The following UVRAG variants were observed in gnomAD, a reference collection of about 807,000 sequenced individuals.
UVRAG encodes the protein UV radiation resistance associated.
In UVRAG, 19 loss-of-function variants were observed where a neutral mutation model predicts 78.0. That is an observed-to-expected ratio of 0.24 (90% CI 0.17 to 0.36). UVRAG has a LOEUF of 0.36. UVRAG is among the 10% of genes least tolerant of loss of function. The pLI, the probability that UVRAG is intolerant of heterozygous loss-of-function variation, is 1.00. For missense variants in UVRAG, 740 were observed against 853.8 expected (o/e 0.87, Z 1.66); for synonymous variants, 323 against 324.6 (o/e 1.00, Z 0.05).
At chr11:76,035,261 TTA>T (rs1371266017) in intron 12 of UVRAG, among the ~76,000 whole-genome samples, 1 of 152,192 alleles carries the variant, frequency 6.6e-6, no homozygotes, top group Non-Finnish European at 1.5e-5. Flanking sequence ...GAATTTTGTA[TTA>T]TATTCTGGTT....
chr11:75,872,614 C>G (rs1946679741), intron 3 of UVRAG, among the ~76,000 whole-genome samples: 1 of 152,096 alleles, frequency 6.6e-6, no homozygotes, highest in African/African-American at 2.4e-5. Flanking sequence ...GTCTCAATCT[C>G]CTGACCTTGT....
chr11:76,111,454 C>T (rs1426657436), intron 13 of UVRAG, among the ~76,000 whole-genome samples: 1 of 152,084 alleles, frequency 6.6e-6, no homozygotes, highest in Non-Finnish European at 1.5e-5. Context: ...TCCCACATGC[C>T]CTAGTGGGAA....
intron 7 of UVRAG, among the ~76,000 whole-genome samples, chr11:75,971,905 G>A (rs1443652507): frequency 6.6e-6 from 1 of 152,086 alleles, no homozygotes; most frequent in Non-Finnish European, 1.5e-5. Flanking sequence ...TGGCCAGGCT[G>A]GTCTCGAACT....
intron 6 of UVRAG, among the ~76,000 whole-genome samples, chr11:75,959,313 G>A (rs1045270193): frequency 1.3e-5 from 2 of 152,208 alleles, no homozygotes; most frequent in African/African-American, 4.8e-5. Context: ...CTGTTGTTTA[G>A]TATAACCACC....
chr11:76,140,112 CCTCTCTCTCTCT>C (rs745755879), intron 14 of UVRAG, among the ~76,000 whole-genome samples: 30 of 11,288 alleles, frequency 2.7e-3, no homozygotes, highest in Non-Finnish European at 3.4e-3. Context: ...TCCCTCCCTC[CCTCTCTCTCTCT>C]CTCTCTCTCT....
chr11:75,885,342 A>T (rs912410600), intron 4 of UVRAG, among the ~76,000 whole-genome samples: 1 of 152,096 alleles, frequency 6.6e-6, no homozygotes, highest in African/African-American at 2.4e-5. Flanking sequence ...ACTTTGTATT[A>T]ATAACAACAA....
At chr11:75,946,518 G>A (rs1948590916) in intron 6 of UVRAG, among the ~76,000 whole-genome samples, 1 of 152,148 alleles carries the variant, frequency 6.6e-6, no homozygotes. Context: ...CCGGAAATTT[G>A]GGAACAGCTG....
chr11:76,129,400 A>G (rs138898956), intron 14 of UVRAG, among the ~76,000 whole-genome samples: 8 of 152,072 alleles, frequency 5.3e-5, no homozygotes, highest in African/African-American at 1.4e-4. Context: ...CTCTTCCTCT[A>G]CCTCATCACG....
intron 12 of UVRAG, among the ~76,000 whole-genome samples, chr11:76,054,181 C>T (rs1465975264): frequency 6.6e-6 from 1 of 151,984 alleles, no homozygotes; most frequent in East Asian, 1.9e-4. Context: ...ATGGCAATTC[C>T]ATTCTGTCAG....
intron 12 of UVRAG, among the ~76,000 whole-genome samples, chr11:76,039,999 T>C (rs1431779373): frequency 2.0e-5 from 3 of 152,218 alleles, no homozygotes; most frequent in Non-Finnish European, 4.4e-5. Context: ...CATATATACA[T>C]ACCTTGTTTA....
At chr11:75,925,449 T>G (rs758078893) in intron 6 of UVRAG, among the ~76,000 whole-genome samples, 1 of 152,226 alleles carries the variant, frequency 6.6e-6, no homozygotes, top group Non-Finnish European at 1.5e-5. Context: ...GTTTATCTAT[T>G]GAGAGTGGAC....
At chr11:75,989,886 C>A (rs758491137) in intron 8 of UVRAG, among the ~76,000 whole-genome samples, 25 of 152,180 alleles carry the variant, frequency 1.6e-4, no homozygotes, top group Admixed American at 8.5e-4. Context: ...CAGCATGAAT[C>A]TTTGAGGGGC....
intron 13 of UVRAG, among the ~76,000 whole-genome samples, chr11:76,112,959 G>T (rs537972731): frequency 1.5e-4 from 23 of 152,052 alleles, no homozygotes; most frequent in African/African-American, 5.5e-4. Flanking sequence ...AACTCCACCC[G>T]CCTCAGCTTC....
chr11:75,919,032 T>A (rs1464506739), intron 6 of UVRAG, among the ~76,000 whole-genome samples: 1 of 152,118 alleles, frequency 6.6e-6, no homozygotes, highest in Non-Finnish European at 1.5e-5. Flanking sequence ...AGAAGCAAAT[T>A]CCCCTCCCCG....
intron 8 of UVRAG, among the ~76,000 whole-genome samples, chr11:76,003,440 C>A (rs371858650): frequency 1.1e-4 from 16 of 151,658 alleles, no homozygotes; most frequent in African/African-American, 3.9e-4. Flanking sequence ...AGGCTGGTCT[C>A]GAACTCCTGA....
chr11:75,986,878 A>G (rs1453905025), intron 8 of UVRAG, among the ~76,000 whole-genome samples: 3 of 151,922 alleles, frequency 2.0e-5, no homozygotes, highest in Non-Finnish European at 2.9e-5. Flanking sequence ...TTTATGACCA[A>G]CTTCATTTGT....
rs548106348 is a variant in UVRAG at position 75,824,849 on chromosome 11, A to C, written c.117+9325A>C. Among the ~76,000 whole-genome samples, 5 of 151,060 alleles carry C rather than the reference A, an allele frequency of 3.3e-5. No homozygotes were observed. The East Asian group carries it at 9.9e-4, about 30-fold the overall frequency. Reference sequence around the variant, plus strand: ...CCACCACGCCCGGCTAATTTTTTGTATTTTTAGTAGAGATGGGGTTTCACC... The same window carrying C: ...CCACCACGCCCGGCTAATTTTTTGTCTTTTTAGTAGAGATGGGGTTTCACC... On this transcript the variant is annotated intron_variant, in intron 1 of 14. Coordinates refer to ENST00000356136, the MANE Select transcript of UVRAG (RefSeq NM_003369.4).
At chr11:76,040,704 C>G (rs1047080575) in intron 12 of UVRAG, among the ~76,000 whole-genome samples, 1 of 151,798 alleles carries the variant, frequency 6.6e-6, no homozygotes, top group South Asian at 2.1e-4. Flanking sequence ...TACAGGCACG[C>G]GCAACCACAC....
intron 6 of UVRAG, among the ~76,000 whole-genome samples, chr11:75,945,973 T>C (rs540034846): frequency 6.6e-6 from 1 of 152,224 alleles, no homozygotes; most frequent in East Asian, 1.9e-4. Flanking sequence ...CCTTACCCGA[T>C]GCATGCCTGT....
Sources: gnomAD v4.1 joint callset for allele counts (sites outside exome capture counted in the v4.1 genomes callset) on GRCh38, gnomAD v4.1.1 for gene constraint, MANE v1.5 for transcripts, NCBI Gene and HGNC (gene_info 2026-07-23, HGNC 2026-07-21) for gene names.